ANK2: variants seen among roughly 807,000 people sequenced by gnomAD.
The protein encoded by ANK2 is ankyrin 2.
A neutral mutation model predicts 360.5 loss-of-function variants in ANK2; 83 were observed. That is an observed-to-expected ratio of 0.23 (90% confidence interval 0.19 to 0.28). ANK2 has a LOEUF of 0.28. Ranked by LOEUF, ANK2 falls within the 10% of genes least tolerant of loss-of-function variation. ANK2 has a pLI of 1.00. For synonymous variants in ANK2, 1,740 were observed against 1,759.5 expected, an observed-to-expected ratio of 0.99 and a Z score of 0.28; for missense variants, 4,201 against 4,795.7, an observed-to-expected ratio of 0.88 and a Z score of 3.66.
At chr4:112,764,445 C>T in the ANK2 span, among the ~76,000 whole-genome samples, 1 of 150,746 alleles carries the variant, frequency 6.6e-6, no homozygotes, top group Non-Finnish European at 1.5e-5. Flanking sequence ...AAATGATTCT[C>T]CTGCCTCAGC....
chr4:112,966,458 T>C (rs2037297871), intron 2 of ANK2, among the ~76,000 whole-genome samples: 1 of 151,774 alleles, frequency 6.6e-6, no homozygotes, highest in South Asian at 2.1e-4. Flanking sequence ...AATGAGTAAG[T>C]GTGTGTGTGT....
Position 113,373,351 on chromosome 4 carries a change from C to T in ANK2, c.11761C>T (p.Gln3921Ter), listed in dbSNP as rs768327292. ...CACAGAGAAAGAAGAGATTATGGTG[C>T]AGGGAATGCCACAGGAACCTGTCAA... is the stretch of plus-strand genomic sequence containing the variant. ...EGTEKEEIMV[Q>*]GMPQEPVNIE... The change falls in exon 45 of 46, where the codon CAG (glutamine) becomes TAG (stop). Residue 3921 changes from glutamine to a stop codon, truncating the protein, a stop_gained. Coordinates refer to ENST00000357077, the MANE Select transcript of ANK2 (RefSeq NM_001148.6). LOFTEE classifies it high-confidence loss of function. 1.9e-6 allele frequency: 3 copies of T among 1,613,974 alleles called. No individual in the cohort carries two copies. The highest frequency in any genetic ancestry group is 1.6e-4 in the Middle Eastern group (1 of 6,084).
intron 4 of ANK2, among the ~76,000 whole-genome samples, chr4:113,231,851 C>G (rs534728974): frequency 6.6e-6 from 1 of 152,294 alleles, no homozygotes; most frequent in Admixed American, 6.5e-5. Flanking sequence ...CCACCCGCCT[C>G]AGACTCCCAA....
At chr4:112,838,071 T>C (rs561440979) in intron 1 of ANK2, among the ~76,000 whole-genome samples, 4 of 152,210 alleles carry the variant, frequency 2.6e-5, no homozygotes, top group East Asian at 3.9e-4. Context: ...TCATCTTGAA[T>C]TGTAGTCCCC....
intron 1 of ANK2, among the ~76,000 whole-genome samples, chr4:113,138,489 A>G (rs1438285896): frequency 6.6e-6 from 1 of 152,184 alleles, no homozygotes; most frequent in Non-Finnish European, 1.5e-5. Context: ...ATACTCATAT[A>G]TGCTCTAGTT....
intron 1 of ANK2, among the ~76,000 whole-genome samples, chr4:113,090,618 C>G (rs1010116368): frequency 2.0e-5 from 3 of 151,858 alleles, no homozygotes; most frequent in African/African-American, 7.3e-5. Flanking sequence ...TTAGAAAATA[C>G]TTAGACCAAG....
At chr4:113,343,282 C>T in intron 34 of ANK2, 140 bp downstream of exon 34, 1 of 904,864 alleles carries the variant, frequency 1.1e-6, no homozygotes, top group Non-Finnish European at 1.6e-6. Context: ...TTTTACAGCC[C>T]TGGGAAACAA....
At chr4:112,783,563 A>G in the ANK2 span, among the ~76,000 whole-genome samples, 1 of 151,970 alleles carries the variant, frequency 6.6e-6, no homozygotes, top group Non-Finnish European at 1.5e-5. Context: ...ATAGCATACT[A>G]TTGGCATTTT....
chr4:113,153,501 A>G (rs1018707539), intron 1 of ANK2, among the ~76,000 whole-genome samples: 8 of 152,238 alleles, frequency 5.3e-5, no homozygotes, highest in African/African-American at 1.9e-4. Flanking sequence ...AAAGACATTT[A>G]ACAATTTTAT....
At chr4:112,754,814 G>A in the ANK2 span, among the ~76,000 whole-genome samples, 3 of 152,284 alleles carry the variant, frequency 2.0e-5, no homozygotes, top group East Asian at 3.9e-4. Context: ...AGGGGTTCAT[G>A]TAAAGACAAG....
chr4:113,378,809 T>A (rs528530728), intron 45 of ANK2, among the ~76,000 whole-genome samples: 1 of 152,294 alleles, frequency 6.6e-6, no homozygotes, highest in South Asian at 2.1e-4. Context: ...CCCAGGTCTC[T>A]GTTATGGATT....
intron 1 of ANK2, among the ~76,000 whole-genome samples, chr4:113,092,915 T>C (rs2089237796): frequency 1.3e-5 from 2 of 152,166 alleles, no homozygotes; most frequent in South Asian, 4.1e-4. Context: ...AAATATGCTT[T>C]TAAAAATCAA....
chr4:113,347,175 A>C (rs999631926), intron 35 of ANK2, among the ~76,000 whole-genome samples: 4 of 152,196 alleles, frequency 2.6e-5, no homozygotes, highest in African/African-American at 9.6e-5. Flanking sequence ...ATTCTTGTAA[A>C]TAGAGATCAG....
chr4:113,362,937 C>G (rs971477364), intron 39 of ANK2, among the ~76,000 whole-genome samples: 6 of 152,134 alleles, frequency 3.9e-5, no homozygotes, highest in African/African-American at 1.2e-4. Context: ...TTATAATACT[C>G]AAAACATCAC....
At chr4:112,814,640 G>A (rs181388830), upstream of ANK2, among the ~76,000 whole-genome samples, 55 of 152,148 alleles carry the variant, frequency 3.6e-4, no homozygotes, top group African/African-American at 1.1e-3. Context: ...TAGGGATGGG[G>A]TTTCGCCATG....
chr4:113,248,077 C>A (rs2044013535), intron 9 of ANK2, among the ~76,000 whole-genome samples: 2 of 152,176 alleles, frequency 1.3e-5, no homozygotes, highest in Admixed American at 1.3e-4. Flanking sequence ...TCTTTTCATG[C>A]TAATTCTTAG....
chr4:113,086,851 G>A (rs570118039), intron 1 of ANK2, among the ~76,000 whole-genome samples: 91 of 152,242 alleles, frequency 6.0e-4, no homozygotes, highest in Middle Eastern at 6.8e-3. Context: ...AAGGGAACTC[G>A]CTTGGCATGC....
In ANK2 at chr4:113,162,731, G is replaced by GT. The variant is rs11348131; in HGVS notation, c.85-11665dup. ...TTCCTGGTCTATCTTGTAGCTAAAGGTTTTTTTTTTTTTTTTTTTTAAACT... is the reference window on the plus strand; with the variant it reads ...TTCCTGGTCTATCTTGTAGCTAAAGGTTTTTTTTTTTTTTTTTTTTTAAACT... On this transcript the variant is annotated intron_variant, in intron 1 of 45. Transcript: ENST00000357077. Among the ~76,000 whole-genome samples, 1,069 of 133,098 alleles carry GT rather than the reference G, an allele frequency of 8.0e-3. 10 individuals are homozygous for GT. Among genetic ancestry groups the GT allele is most frequent in the East Asian group, 0.036 (160 of 4,500 alleles). 87.3% of individuals were successfully genotyped at this position (133,098 alleles called of 152,430 possible).
At chr4:112,887,808 A>C (rs2078848350) in intron 1 of ANK2, among the ~76,000 whole-genome samples, 1 of 152,110 alleles carries the variant, frequency 6.6e-6, no homozygotes, top group African/African-American at 2.4e-5. Context: ...GTCTATCTTC[A>C]CTAGACTGTA....
Sources: gnomAD v4.1 joint callset for allele counts (sites outside exome capture counted in the v4.1 genomes callset) on GRCh38, gnomAD v4.1.1 for gene constraint, MANE v1.5 for transcripts, NCBI Gene and HGNC (gene_info 2026-07-23, HGNC 2026-07-21) for gene names.